Variants in ZNF407 observed in about 807,000 individuals in gnomAD.
The protein encoded by ZNF407 is zinc finger protein 407.
ZNF407 carries 17 observed loss-of-function variants against 131.2 expected under a neutral mutation model. The ratio of observed to expected loss-of-function variants is 0.13; its 90% CI spans 0.09 to 0.19. The LOEUF (loss-of-function observed/expected upper bound fraction) is 0.19, where lower values mean the gene tolerates loss of function less well. ZNF407 is among the 10% of genes least tolerant of loss of function. The pLI is 1.00. For missense variants in ZNF407, 2,681 were observed against 2,830.6 expected, an observed-to-expected ratio of 0.95 and a Z score of 1.20; for synonymous variants, 1,156 against 1,062.0, an observed-to-expected ratio of 1.09 and a Z score of -1.72.
At chr18:74,619,270 C>T (rs1213576445) in intron 1 of ZNF407, among the ~76,000 whole-genome samples, 2 of 152,200 alleles carry the variant, frequency 1.3e-5, no homozygotes, top group African/African-American at 4.8e-5. Flanking sequence ...GAAACCAAGG[C>T]TCAGCCAAGT....
chr18:74,981,418 C>G (rs1972592188), intron 8 of ZNF407, among the ~76,000 whole-genome samples: 1 of 152,202 alleles, frequency 6.6e-6, no homozygotes, highest in South Asian at 2.1e-4. Context: ...GACCCGAGGG[C>G]CACCAAGGAA....
intron 4 of ZNF407, among the ~76,000 whole-genome samples, chr18:74,798,185 A>T (rs1474204847): frequency 7.2e-6 from 1 of 138,266 alleles, no homozygotes; most frequent in Non-Finnish European, 1.5e-5. Flanking sequence ...TTTTACAGGT[A>T]TTCTTTCTTT....
intron 3 of ZNF407, among the ~76,000 whole-genome samples, chr18:74,688,351 G>A (rs1967143755): frequency 6.6e-6 from 1 of 152,174 alleles, no homozygotes; most frequent in African/African-American, 2.4e-5. Context: ...TATCTCTCTG[G>A]ATGCATTGGA....
intron 1 of ZNF407, among the ~76,000 whole-genome samples, chr18:74,609,332 C>A (rs987139398): frequency 6.6e-6 from 1 of 152,140 alleles, no homozygotes; most frequent in Non-Finnish European, 1.5e-5. Flanking sequence ...GTATACAAAC[C>A]TAGATGGTGC....
chr18:75,035,286 C>T (rs183309871), intron 8 of ZNF407, among the ~76,000 whole-genome samples: 2 of 152,182 alleles, frequency 1.3e-5, no homozygotes, highest in Non-Finnish European at 2.9e-5. Flanking sequence ...ACACAGGATT[C>T]GTCTTTGAAC....
intron 7 of ZNF407, chr18:74,905,753 T>G (rs1408490077): frequency 6.6e-6 from 1 of 152,232 alleles, no homozygotes; most frequent in Non-Finnish European, 1.5e-5. Flanking sequence ...GAGTAAATGA[T>G]CTAATGGAAA....
chr18:74,667,034 A>C (rs1985957879), intron 3 of ZNF407, among the ~76,000 whole-genome samples: 1 of 152,110 alleles, frequency 6.6e-6, no homozygotes, highest in Non-Finnish European at 1.5e-5. Flanking sequence ...CAGTTGTCTC[A>C]GTCTTTCCTA....
chr18:74,848,898 G>A (rs904110928), intron 4 of ZNF407, among the ~76,000 whole-genome samples: 12 of 152,094 alleles, frequency 7.9e-5, no homozygotes, highest in African/African-American at 2.4e-4. Flanking sequence ...TGATGTATGC[G>A]TGAATATTAG....
Position 74,633,197 on chromosome 18 carries a change from T to C in ZNF407, c.2178T>C (p.Leu726=). 6.2e-7 allele frequency: 1 copy of C among 1,613,802 alleles called. No homozygotes were observed. Among genetic ancestry groups the C allele is most frequent in the Non-Finnish European group, 8.5e-7 (1 of 1,179,822 alleles). The change falls in exon 2 of 9, where the codon CTT becomes CTC. Residue 726 remains leucine, a synonymous_variant. Transcript: ENST00000299687. ...SSTVLTRHIK[L]RHGQDYHFLC... ...CTGTTCTCACGAGACATATAAAGCT[T>C]CGGCATGGTCAAGACTATCATTTTC...
chr18:75,008,983 A>G (rs1972943021), intron 8 of ZNF407, among the ~76,000 whole-genome samples: 4 of 152,226 alleles, frequency 2.6e-5, no homozygotes, highest in Admixed American at 1.3e-4. Context: ...TTCTGTTTCA[A>G]ACACTTATCT....
At chr18:74,606,250 C>T (rs1982801535) in intron 1 of ZNF407, among the ~76,000 whole-genome samples, 1 of 152,018 alleles carries the variant, frequency 6.6e-6, no homozygotes, top group South Asian at 2.1e-4. Flanking sequence ...AAAAATGCAG[C>T]AATTGATTTG....
intron 1 of ZNF407, among the ~76,000 whole-genome samples, chr18:74,623,526 C>T (rs1983654865): frequency 6.6e-6 from 1 of 152,204 alleles, no homozygotes; most frequent in Non-Finnish European, 1.5e-5. Flanking sequence ...GTCATGCATG[C>T]CGCCCTAGCG....
At chr18:74,610,631 C>T (rs1210468027) in intron 1 of ZNF407, among the ~76,000 whole-genome samples, 2 of 152,110 alleles carry the variant, frequency 1.3e-5, no homozygotes, top group Non-Finnish European at 2.9e-5. Flanking sequence ...CTCACTGCAA[C>T]CTCCGCCTCC....
In ZNF407 at chr18:75,052,821, G is replaced by A. The variant is rs117438028; in HGVS notation, c.5429-10329G>A. Among the ~76,000 whole-genome samples, 1,088 of 152,276 alleles carry A rather than the reference G, an allele frequency of 7.1e-3. 4 individuals are homozygous for A. The highest frequency in any genetic ancestry group is 0.011 in the Non-Finnish European group (743 of 68,020). On this transcript the variant is annotated intron_variant, in intron 8 of 8. Transcript: ENST00000299687. The stretch of plus-strand genomic sequence containing the variant: ...CTACTGCTTTCCTGCACGTGCACCC[G>A]GGTGGAAGGACACATGTGCGTGGAT...
At chr18:74,693,894 A>T (rs1475543091) in intron 3 of ZNF407, among the ~76,000 whole-genome samples, 9 of 152,146 alleles carry the variant, frequency 5.9e-5, no homozygotes, top group Admixed American at 3.3e-4. Context: ...ATATTGTCTC[A>T]TAAGTTACTG....
At chr18:74,749,947 C>G (rs1014262148) in intron 3 of ZNF407, among the ~76,000 whole-genome samples, 3 of 152,124 alleles carry the variant, frequency 2.0e-5, no homozygotes, top group Admixed American at 1.3e-4. Flanking sequence ...TGGAACTTTT[C>G]TAAGGCAGAA....
At chr18:74,766,691 TAC>T (rs1969241476) in intron 3 of ZNF407, among the ~76,000 whole-genome samples, 1 of 152,216 alleles carries the variant, frequency 6.6e-6, no homozygotes, top group Admixed American at 6.5e-5. Context: ...ACATGTTCAG[TAC>T]ACAATCAACA....
intron 8 of ZNF407, among the ~76,000 whole-genome samples, chr18:75,052,169 T>A (rs1273930203): frequency 6.6e-6 from 1 of 152,200 alleles, no homozygotes; most frequent in African/African-American, 2.4e-5. Context: ...TATGTATGCA[T>A]GTGTATGTAT....
chr18:75,032,315 G>C (rs933700203), intron 8 of ZNF407, among the ~76,000 whole-genome samples: 3 of 152,168 alleles, frequency 2.0e-5, no homozygotes, highest in Non-Finnish European at 4.4e-5. Flanking sequence ...TGTCGAACTT[G>C]ACACTCAGGG....
Sources: allele counts gnomAD v4.1 joint callset (sites outside exome capture counted in the v4.1 genomes callset), GRCh38; gene constraint gnomAD v4.1.1; transcripts MANE v1.5; gene names NCBI Gene and HGNC (gene_info 2026-07-23, HGNC 2026-07-21).